Variants in EXOC6 observed in about 807,000 individuals in gnomAD.
EXOC6 encodes the protein SEC15-like 1.
A neutral mutation model predicts 112.5 loss-of-function variants in EXOC6; 60 were observed. That is an observed-to-expected ratio of 0.53 (90% CI 0.43 to 0.66). The LOEUF (loss-of-function observed/expected upper bound fraction) is 0.66, where lower values mean the gene tolerates loss of function less well. EXOC6 is among the 30% of genes least tolerant of loss of function. The pLI, the probability that EXOC6 is intolerant of heterozygous loss-of-function variation, is 0.00. For missense variants in EXOC6, 855 were observed against 957.1 expected (o/e 0.89, Z 1.41); for synonymous variants, 295 against 308.0 (o/e 0.96, Z 0.44).
chr10:92,848,439 C>T (rs1356806091), upstream of EXOC6: 49 of 754,468 alleles, frequency 6.5e-5, 1 homozygote, highest in Non-Finnish European at 7.3e-5. Context: ...GAGCGCCCCG[C>T]CCCCGCCCCG....
chr10:92,936,076 C>G (rs556747167), intron 12 of EXOC6, among the ~76,000 whole-genome samples, 191 bp downstream of exon 12: 1 of 152,102 alleles, frequency 6.6e-6, no homozygotes, highest in East Asian at 1.9e-4. Flanking sequence ...GAAGCTTAGA[C>G]AGAACTCAGG....
At chr10:92,999,254 G>A (rs1564898840) in intron 19 of EXOC6, 3 of 393,142 alleles carry the variant, frequency 7.6e-6, no homozygotes, top group East Asian at 8.6e-5. Flanking sequence ...TTACAGATGA[G>A]GTGTTGCTGT....
intron 20 of EXOC6, among the ~76,000 whole-genome samples, chr10:93,047,499 G>C (rs1846050973): frequency 1.3e-5 from 2 of 152,162 alleles, no homozygotes; most frequent in Admixed American, 1.3e-4. Flanking sequence ...TTGCACCACT[G>C]TACTCCAGCC....
intron 18 of EXOC6, among the ~76,000 whole-genome samples, chr10:92,975,560 G>A (rs1286340808): frequency 2.0e-5 from 3 of 147,232 alleles, no homozygotes; most frequent in Non-Finnish European, 4.5e-5. Flanking sequence ...CGTCCGGGAC[G>A]GAGGTGGGGG....
intron 17 of EXOC6, among the ~76,000 whole-genome samples, chr10:92,966,538 T>A (rs914446860): frequency 1.3e-5 from 2 of 149,734 alleles, no homozygotes; most frequent in African/African-American, 4.9e-5. Flanking sequence ...ATATGCAGTG[T>A]TTGGTTTTTT....
chr10:92,828,941 T>C (rs1846428668), intron 1 of EXOC6, among the ~76,000 whole-genome samples: 1 of 151,978 alleles, frequency 6.6e-6, no homozygotes, highest in African/African-American at 2.4e-5. Flanking sequence ...CTCCGTAAAC[T>C]TTTCCTTTTA....
intron 21 of EXOC6, among the ~76,000 whole-genome samples, chr10:93,057,523 T>A (rs1194135128): frequency 6.6e-6 from 1 of 152,192 alleles, no homozygotes; most frequent in Non-Finnish European, 1.5e-5. Context: ...CTGATGCATC[T>A]TGTCCAACTA....
Position 92,868,813 on chromosome 10 carries a change from C to T in EXOC6, c.101+20179C>T, listed in dbSNP as rs1433701298. 2.0e-5 allele frequency among the ~76,000 whole-genome samples: 3 copies of T among 148,784 alleles called. No individual in the cohort carries two copies. The Admixed American group carries it at 2.0e-4, about 10-fold the overall frequency. On this transcript the variant is annotated intron_variant, in intron 1 of 21. Transcript: ENST00000260762. Reference sequence around the variant, plus strand: ...CCTCCCTTCTTTCCTCCCTCCCTCCCTCTTTTTTTTTTTTTTTTTGAGACA... The same window carrying T: ...CCTCCCTTCTTTCCTCCCTCCCTCCTTCTTTTTTTTTTTTTTTTTGAGACA...
At chr10:93,055,080 T>C (rs1443317967) in intron 20 of EXOC6, among the ~76,000 whole-genome samples, 1 of 152,168 alleles carries the variant, frequency 6.6e-6, no homozygotes, top group Non-Finnish European at 1.5e-5. Context: ...TGGGCTCAAG[T>C]GATCCTCCCG....
Position 92,858,024 on chromosome 10 carries a change from C to CCCG in EXOC6, c.101+9392_101+9393insGCC, listed in dbSNP as rs939925380. ...TGTAAGATTTTTAGTTGACGGGTTC[C>CCCG]CCCCCTCCGCCGGCCAGCAGTTTGA... On this transcript the variant is annotated intron_variant, in intron 1 of 21. Transcript: ENST00000260762. 1.2e-4 allele frequency among the ~76,000 whole-genome samples: 15 copies of CCCG among 130,358 alleles called. 3 individuals are homozygous for CCCG. The highest frequency in any genetic ancestry group is 1.3e-4 in the Non-Finnish European group (8 of 62,050). 85.5% of individuals were successfully genotyped at this position (130,358 alleles called of 152,430 possible).
upstream of EXOC6, among the ~76,000 whole-genome samples, chr10:92,832,394 C>T (rs1202018897): frequency 6.6e-6 from 1 of 152,160 alleles, no homozygotes; most frequent in Non-Finnish European, 1.5e-5. Context: ...TCGCCTGCCT[C>T]AGGCTCTGGA....
intron 5 of EXOC6, chr10:92,900,802 C>T (rs1163145071): frequency 6.6e-6 from 1 of 151,834 alleles, no homozygotes; most frequent in Non-Finnish European, 1.5e-5. Flanking sequence ...TTAATTATTA[C>T]CATATTATTT....
intron 11 of EXOC6, among the ~76,000 whole-genome samples, chr10:92,934,810 A>G (rs1258579168): frequency 6.6e-6 from 1 of 152,118 alleles, no homozygotes; most frequent in Non-Finnish European, 1.5e-5. Flanking sequence ...TTCAATGTTT[A>G]CAATTTACAG....
At chr10:92,908,045 T>G (rs1317128410) in intron 5 of EXOC6, among the ~76,000 whole-genome samples, 4 of 144,840 alleles carry the variant, frequency 2.8e-5, no homozygotes, top group African/African-American at 1.0e-4. Context: ...AAACAGCTTT[T>G]GAATATAATG....
chr10:92,847,835 C>CT (rs3078184), upstream of EXOC6, among the ~76,000 whole-genome samples: 19,542 of 93,540 alleles, frequency 0.21, 2,612 homozygotes, highest in Non-Finnish European at 0.29. Context: ...CGCCCTGGGC[C>CT]TTTTTTTTTT....
intron 17 of EXOC6, among the ~76,000 whole-genome samples, chr10:92,972,178 CTGCTT>C (rs1353418180): frequency 6.6e-6 from 1 of 152,184 alleles, no homozygotes; most frequent in Non-Finnish European, 1.5e-5. Flanking sequence ...GTTAATCACT[CTGCTT>C]TGACTTTTAC....
chr10:92,855,078 T>C (rs1443749568), intron 1 of EXOC6, among the ~76,000 whole-genome samples: 1 of 152,192 alleles, frequency 6.6e-6, no homozygotes, highest in Non-Finnish European at 1.5e-5. Context: ...TCTATATTCA[T>C]GAGGGATTTC....
intron 1 of EXOC6, among the ~76,000 whole-genome samples, chr10:92,876,922 C>T (rs981889464): frequency 5.3e-5 from 8 of 151,492 alleles, no homozygotes; most frequent in African/African-American, 7.3e-5. Flanking sequence ...TCATTCATTC[C>T]GGAGGTAAAA....
intron 19 of EXOC6, among the ~76,000 whole-genome samples, chr10:93,010,615 C>T (rs577184603): frequency 6.6e-6 from 1 of 150,680 alleles, no homozygotes; most frequent in South Asian, 2.2e-4. Flanking sequence ...ATGAGAAACG[C>T]TTGAACCTGG....
Sources: allele counts gnomAD v4.1 joint callset (sites outside exome capture counted in the v4.1 genomes callset), GRCh38; gene constraint gnomAD v4.1.1; transcripts MANE v1.5; gene names NCBI Gene and HGNC (gene_info 2026-07-23, HGNC 2026-07-21).